JMJD1C: variants seen among roughly 807,000 people sequenced by gnomAD.
JMJD1C encodes jumonji domain-containing protein 1C.
Under a neutral mutation model 245.3 loss-of-function variants are expected in JMJD1C, and 31 were observed. The ratio of observed to expected loss-of-function variants is 0.13; its 90% CI spans 0.09 to 0.17. The LOEUF (loss-of-function observed/expected upper bound fraction) is 0.17, where lower values mean the gene tolerates loss of function less well. JMJD1C is among the 10% of genes least tolerant of loss of function. The pLI is 1.00. For missense variants in JMJD1C, 2,691 were observed against 3,000.2 expected, an observed-to-expected ratio of 0.90 and a Z score of 2.41; for synonymous variants, 1,057 against 1,017.4, an observed-to-expected ratio of 1.04 and a Z score of -0.74.
intron 1 of JMJD1C, among the ~76,000 whole-genome samples, chr10:63,505,128 C>T (rs1171877565): frequency 5.3e-5 from 8 of 152,058 alleles, no homozygotes; most frequent in South Asian, 2.1e-4. Flanking sequence ...CTGGCTAACA[C>T]GGTGAAACCC....
intron 3 of JMJD1C, among the ~76,000 whole-genome samples, chr10:63,226,431 G>C (rs1849286708): frequency 6.6e-6 from 1 of 151,992 alleles, no homozygotes. Context: ...GGGATAATGG[G>C]GCCGGGTGCG....
intron 9 of JMJD1C, 72 bp downstream of exon 9, chr10:63,208,991 A>G: frequency 7.7e-7 from 1 of 1,300,948 alleles, no homozygotes; most frequent in South Asian, 1.4e-5. Flanking sequence ...ACTTAAAATT[A>G]ACTATTTAAA....
At chr10:63,375,105 G>A (rs1302714555) in intron 2 of JMJD1C, among the ~76,000 whole-genome samples, 1 of 151,324 alleles carries the variant, frequency 6.6e-6, no homozygotes, top group Non-Finnish European at 1.5e-5. Flanking sequence ...TGATCTTAGA[G>A]GAAAAGCTTT....
At chr10:63,315,299 T>C (rs1939829725) in intron 2 of JMJD1C, among the ~76,000 whole-genome samples, 1 of 152,170 alleles carries the variant, frequency 6.6e-6, no homozygotes, top group Admixed American at 6.5e-5. Context: ...CCCTAGTGTG[T>C]ACTGCTGCCA....
At chr10:63,456,055 T>C (rs989147753) in intron 1 of JMJD1C, among the ~76,000 whole-genome samples, 2 of 152,138 alleles carry the variant, frequency 1.3e-5, no homozygotes, top group African/African-American at 2.4e-5. Context: ...GTTTGTATAG[T>C]TCAAAACCGT....
At chr10:63,252,084 A>G (rs1853168492) in intron 3 of JMJD1C, among the ~76,000 whole-genome samples, 1 of 152,204 alleles carries the variant, frequency 6.6e-6, no homozygotes, top group African/African-American at 2.4e-5. Flanking sequence ...GCTCTAAATA[A>G]AGGCTGAAAG....
chr10:63,395,693 G>A lies in JMJD1C; in HGVS notation c.169-15211C>T, dbSNP rs544918145. Among the ~76,000 whole-genome samples, 342 of 152,122 alleles carry A rather than the reference G, an allele frequency of 2.2e-3. 3 individuals carry two copies. The highest frequency in any genetic ancestry group is 8.0e-3 in the African/African-American group (331 of 41,510). ...TTTTATTTTTAATAGACAAAAGCTG[G>A]AAAAAACCCAGATGTCCCCAAAATG... On this transcript the variant is annotated intron_variant, in intron 1 of 25. Transcript: ENST00000399262.
chr10:63,415,490 C>G (rs1949747391), intron 1 of JMJD1C, among the ~76,000 whole-genome samples: 1 of 152,062 alleles, frequency 6.6e-6, no homozygotes, highest in South Asian at 2.1e-4. Context: ...CATGTGGATT[C>G]AGCAAAACTT....
At chr10:63,330,103 T>G (rs901497025) in intron 2 of JMJD1C, among the ~76,000 whole-genome samples, 3 of 152,122 alleles carry the variant, frequency 2.0e-5, no homozygotes, top group African/African-American at 4.8e-5. Flanking sequence ...GGTTTCACCA[T>G]GTTGGCCAGG....
intron 3 of JMJD1C, among the ~76,000 whole-genome samples, chr10:63,245,133 C>CAAAAAAAA (rs71025133): frequency 1.5e-5 from 1 of 65,682 alleles, no homozygotes; most frequent in Non-Finnish European, 2.9e-5. Context: ...GACTCTGTCT[C>CAAAAAAAA]AAAAAAAAAA....
intron 1 of JMJD1C, among the ~76,000 whole-genome samples, chr10:63,423,623 CTGTT>C (rs1454793770): frequency 2.0e-5 from 3 of 152,142 alleles, no homozygotes; most frequent in African/African-American, 7.2e-5. Context: ...ATACAAGTAT[CTGTT>C]TGAGTCTTTC....
At chr10:63,293,501 G>A (rs1306787022) in intron 2 of JMJD1C, among the ~76,000 whole-genome samples, 1 of 152,030 alleles carries the variant, frequency 6.6e-6, no homozygotes, top group East Asian at 1.9e-4. Context: ...TGTAATATTT[G>A]TTTTTCCTTC....
Position 63,312,115 on chromosome 10 carries a change from T to TTG in JMJD1C, c.334-47353_334-47352dup, listed in dbSNP as rs903815591. The stretch of plus-strand genomic sequence containing the variant: ...TAAACTTTTTTTTTTTTTTTTTTTT[T>TTG]TGTGTGTGTGAGACGAAGTTTCGCT... On this transcript the variant is annotated intron_variant, in intron 2 of 25. Coordinates refer to ENST00000399262, the MANE Select transcript of JMJD1C (RefSeq NM_032776.3). Among the ~76,000 whole-genome samples, 60 of 132,630 alleles carry TTG rather than the reference T, an allele frequency of 4.5e-4. 1 individual carries two copies. The highest frequency in any genetic ancestry group is 6.8e-4 in the African/African-American group (24 of 35,432). 87.0% of individuals were successfully genotyped at this position (132,630 alleles called of 152,430 possible).
At chr10:63,455,344 T>C (rs1952344535) in intron 1 of JMJD1C, among the ~76,000 whole-genome samples, 2 of 152,198 alleles carry the variant, frequency 1.3e-5, no homozygotes. Context: ...TTCTGCACGT[T>C]AAAGCTTAAC....
intron 2 of JMJD1C, chr10:63,372,975 G>T: frequency 4.3e-6 from 1 of 235,168 alleles, no homozygotes; most frequent in East Asian, 1.5e-4. Context: ...CCTGGGTTAG[G>T]GTCGAAGCCC....
intron 25 of JMJD1C, 111 bp from the exon 26 acceptor site, chr10:63,168,245 G>GA: frequency 9.8e-7 from 1 of 1,023,498 alleles, no homozygotes; most frequent in Non-Finnish European, 1.5e-6. Context: ...CCAAATATAA[G>GA]AAAAATGTTT....
At chr10:63,315,696 T>C (rs1939917963) in intron 2 of JMJD1C, among the ~76,000 whole-genome samples, 2 of 151,588 alleles carry the variant, frequency 1.3e-5, no homozygotes, top group Non-Finnish European at 2.9e-5. Flanking sequence ...AAAACTTAGA[T>C]TGGCATGGTG....
Position 63,168,068 on chromosome 10 carries a change from C to T in JMJD1C, c.7600G>A (p.Val2534Ile). 6.3e-7 allele frequency: 1 copy of T among 1,599,596 alleles called. No homozygotes were observed. Among genetic ancestry groups the T allele is most frequent in the Non-Finnish European group, 8.6e-7 (1 of 1,167,434 alleles). ...ACTTAATTTTCTTCCATATCCTCTACTTCATCCTCGTGTATCTTCAAGGCT... is the reference window on the plus strand; with the variant it reads ...ACTTAATTTTCTTCCATATCCTCTATTTCATCCTCGTGTATCTTCAAGGCT... ...VRALKIHEDEVEDMEEN is the reference protein window; with the variant it reads ...VRALKIHEDEIEDMEEN The change falls in exon 26 of 26, where the codon GTA becomes ATA. Residue 2534 changes from valine (V) to isoleucine (I), a missense_variant. Physicochemically the swap from Val to Ile is conservative, Grantham distance 29. This residue lies in a region of JMJD1C where 27 missense variants were observed against 18.4 expected (regional missense o/e 1.47). Coordinates refer to ENST00000399262, the MANE Select transcript of JMJD1C (RefSeq NM_032776.3).
chr10:63,314,718 G>A (rs976817039), intron 2 of JMJD1C, among the ~76,000 whole-genome samples: 11 of 151,566 alleles, frequency 7.3e-5, no homozygotes, highest in Admixed American at 1.3e-4. Context: ...TGCGAGCTCA[G>A]CTCACTGCCA....
Sources: gnomAD v4.1 joint callset for allele counts (sites outside exome capture counted in the v4.1 genomes callset) on GRCh38, gnomAD v4.1.1 for gene constraint, gnomAD v4.1.1 regional missense constraint, MANE v1.5 for transcripts, NCBI Gene and HGNC (gene_info 2026-07-23, HGNC 2026-07-21) for gene names.